Variants in UNC5D observed in about 807,000 individuals in gnomAD.
UNC5D encodes netrin receptor UNC5D.
In UNC5D, 39 loss-of-function variants were observed where a neutral mutation model predicts 105.4. That is an observed-to-expected ratio of 0.37 (90% CI 0.29 to 0.48). UNC5D has a LOEUF of 0.48. Ranked by LOEUF, UNC5D falls within the 20% of genes least tolerant of loss-of-function variation. The probability of loss-of-function intolerance (pLI) is 0.98; values close to 1 mark genes in which losing one functional copy is unlikely to be tolerated. For missense variants in UNC5D, 991 were observed against 1,202.4 expected (o/e 0.82, Z 2.60); for synonymous variants, 452 against 450.4 (o/e 1.00, Z -0.04).
At chr8:35,335,889 G>T (rs990068336) in intron 1 of UNC5D, among the ~76,000 whole-genome samples, 1 of 146,486 alleles carries the variant, frequency 6.8e-6, no homozygotes, top group Non-Finnish European at 1.5e-5. Context: ...TCAGCCTCCC[G>T]AGTAGCTGGG....
chr8:35,759,014 G>A (rs911130809), intron 13 of UNC5D, among the ~76,000 whole-genome samples: 4 of 152,158 alleles, frequency 2.6e-5, no homozygotes, highest in East Asian at 1.9e-4. Context: ...GAAGTATTAC[G>A]ATTTGCTTGG....
intron 1 of UNC5D, among the ~76,000 whole-genome samples, chr8:35,406,234 C>T (rs1473383285): frequency 2.6e-5 from 4 of 152,048 alleles, no homozygotes; most frequent in African/African-American, 4.8e-5. Context: ...ATGTTGAATG[C>T]CAAACCAAAA....
chr8:35,294,582 A>G (rs890551449), intron 1 of UNC5D, among the ~76,000 whole-genome samples: 1 of 152,082 alleles, frequency 6.6e-6, no homozygotes, highest in Non-Finnish European at 1.5e-5. Flanking sequence ...ACAATTCTGT[A>G]CCCACATAAA....
At chr8:35,745,032 C>T (rs575282826) in intron 11 of UNC5D, among the ~76,000 whole-genome samples, 95 of 151,004 alleles carry the variant, frequency 6.3e-4, no homozygotes, top group African/African-American at 1.9e-3. Context: ...TCAGCCTGGG[C>T]GACAAGAGCA....
At position 35,366,200 on chromosome 8, in the gene UNC5D, C is replaced by T. The variant is rs552846643; in HGVS notation, c.103+130313C>T. Among the ~76,000 whole-genome samples the T allele has an allele frequency of 3.9e-5, 6 of 152,038 alleles. No homozygotes were observed. The South Asian group carries it at 1.0e-3, about 26-fold the overall frequency. On this transcript the variant is annotated intron_variant, in intron 1 of 16. Transcript: ENST00000404895. ...ATTGCATTTTTTTTTCTAAATCAGG[C>T]GTCTTGGAGTGTTTGAGGGCACATA...
At chr8:35,534,001 C>T (rs545314303) in intron 1 of UNC5D, among the ~76,000 whole-genome samples, 4 of 149,730 alleles carry the variant, frequency 2.7e-5, no homozygotes, top group East Asian at 2.1e-4. Context: ...AGAAATCACC[C>T]GTCTTCTGCG....
intron 1 of UNC5D, among the ~76,000 whole-genome samples, chr8:35,504,724 T>A (rs1319021715): frequency 6.6e-6 from 1 of 152,176 alleles, no homozygotes; most frequent in Non-Finnish European, 1.5e-5. Flanking sequence ...TTCCTGAGCC[T>A]TTTTCTAAAA....
intron 11 of UNC5D, among the ~76,000 whole-genome samples, chr8:35,745,793 C>T (rs573960992): frequency 6.6e-6 from 1 of 152,254 alleles, no homozygotes; most frequent in East Asian, 1.9e-4. Context: ...TATGATACAT[C>T]GAGGTGGTTC....
At chr8:35,748,936 C>T (rs981578756) in intron 12 of UNC5D, among the ~76,000 whole-genome samples, 6 of 151,964 alleles carry the variant, frequency 3.9e-5, no homozygotes, top group African/African-American at 1.5e-4. Context: ...TTGTAATTAC[C>T]CATATATTCA....
intron 1 of UNC5D, among the ~76,000 whole-genome samples, chr8:35,511,249 C>T (rs1356148695): frequency 6.6e-6 from 1 of 152,112 alleles, no homozygotes; most frequent in African/African-American, 2.4e-5. Flanking sequence ...AACATGATTT[C>T]TGGCTAACCT....
chr8:35,730,957 A>C, intron 10 of UNC5D, 55 bp from the exon 11 acceptor site: 1 of 1,557,254 alleles, frequency 6.4e-7, no homozygotes, highest in Non-Finnish European at 8.8e-7. Context: ...CGAGTGACAA[A>C]CTTCATGATA....
At chr8:35,691,308 C>A (rs1282976156) in intron 7 of UNC5D, among the ~76,000 whole-genome samples, 1 of 152,052 alleles carries the variant, frequency 6.6e-6, no homozygotes, top group Non-Finnish European at 1.5e-5. Context: ...CATAGCAAGA[C>A]CCCGGTCTCT....
intron 1 of UNC5D, among the ~76,000 whole-genome samples, chr8:35,435,010 A>G (rs2128978432): frequency 6.6e-6 from 1 of 152,160 alleles, no homozygotes; most frequent in South Asian, 2.1e-4. Flanking sequence ...ATCCTTCTAC[A>G]TTAACTGGTG....
intron 1 of UNC5D, among the ~76,000 whole-genome samples, chr8:35,441,249 G>T (rs1354870452): frequency 6.6e-6 from 1 of 151,824 alleles, no homozygotes; most frequent in African/African-American, 2.4e-5. Context: ...TCAATTACCT[G>T]CATTCAACTG....
At chr8:35,417,234 C>G (rs1210029975) in intron 1 of UNC5D, among the ~76,000 whole-genome samples, 1 of 152,042 alleles carries the variant, frequency 6.6e-6, no homozygotes, top group African/African-American at 2.4e-5. Context: ...CACCCCATCC[C>G]CACCCCACTA....
chr8:35,636,490 G>A (rs2131105346), intron 4 of UNC5D, among the ~76,000 whole-genome samples: 1 of 152,240 alleles, frequency 6.6e-6, no homozygotes, highest in South Asian at 2.1e-4. Context: ...CCAAACTGAA[G>A]TTTCTCCAGA....
chr8:35,691,060 G>C (rs1342371335), intron 7 of UNC5D, among the ~76,000 whole-genome samples: 2 of 152,154 alleles, frequency 1.3e-5, no homozygotes, highest in African/African-American at 4.8e-5. Context: ...ATTTCTCCTA[G>C]AGATGAAGCT....
chr8:35,298,465 G>T (rs576427381), intron 1 of UNC5D, among the ~76,000 whole-genome samples: 4 of 151,988 alleles, frequency 2.6e-5, no homozygotes, highest in African/African-American at 9.7e-5. Context: ...GATGGGCAAG[G>T]CTCCTTTGAC....
intron 1 of UNC5D, among the ~76,000 whole-genome samples, chr8:35,269,677 A>G (rs1243771472): frequency 6.6e-5 from 10 of 152,076 alleles, no homozygotes; most frequent in Non-Finnish European, 4.4e-5. Flanking sequence ...AGTTTCTCCT[A>G]CTGCTGTGCT....
Sources: allele counts gnomAD v4.1 joint callset (sites outside exome capture counted in the v4.1 genomes callset), GRCh38; gene constraint gnomAD v4.1.1; transcripts MANE v1.5; gene names NCBI Gene and HGNC (gene_info 2026-07-23, HGNC 2026-07-21).